The following KLHL15 variants were observed in gnomAD, a reference collection of about 807,000 sequenced individuals.
The protein encoded by KLHL15 is kelch-like protein 15.
Under a neutral mutation model 29.3 loss-of-function variants are expected in KLHL15, and 1 was observed. The observed-to-expected ratio is 0.03, with a 90% CI of 0.01 to 0.16. KLHL15 has a LOEUF of 0.16. Ranked by LOEUF, KLHL15 falls within the 10% of genes least tolerant of loss-of-function variation. KLHL15 has a pLI of 1.00. For missense variants in KLHL15, 215 were observed against 478.5 expected, an observed-to-expected ratio of 0.45 and a Z score of 5.14; for synonymous variants, 212 against 184.5, an observed-to-expected ratio of 1.15 and a Z score of -1.21.
intron 3 of KLHL15, among the ~76,000 whole-genome samples, chrX:23,997,737 A>AT (rs1929220738): frequency 2.2e-5 from 2 of 90,730 alleles, no homozygotes; most frequent in African/African-American, 8.4e-5. Context: ...TCTCAAAAAA[A>AT]AAAAAAAAAA....
At chrX:24,003,253 T>A (rs751242570) in intron 3 of KLHL15, among the ~76,000 whole-genome samples, 1 of 110,979 alleles carries the variant, frequency 9.0e-6, no homozygotes, top group African/African-American at 3.3e-5. Context: ...GGGGATAACA[T>A]GTAGATGCAT....
intron 3 of KLHL15, among the ~76,000 whole-genome samples, chrX:24,000,182 C>T (rs941704321): frequency 1.8e-5 from 2 of 112,216 alleles, no homozygotes; most frequent in African/African-American, 6.5e-5. Flanking sequence ...ATAAAGGTTA[C>T]TATCTTTTAA....
chrX:24,011,151 C>T (rs1360270579), intron 2 of KLHL15, among the ~76,000 whole-genome samples: 1 of 100,763 alleles, frequency 9.9e-6, no homozygotes, highest in Non-Finnish European at 2.0e-5. Context: ...ATAGTTATCC[C>T]AGCCCAAAGT....
At chrX:24,018,768 G>C (rs916533292) in intron 2 of KLHL15, among the ~76,000 whole-genome samples, 5 of 111,571 alleles carry the variant, frequency 4.5e-5, no homozygotes, top group African/African-American at 1.3e-4. Flanking sequence ...TTGGGAGGTA[G>C]AGGTGGGCTG....
Position 24,008,884 on chromosome X carries a change from C to CAAA in KLHL15, c.-7-2187_-7-2185dup, listed in dbSNP as rs1230847970. 5.1e-5 allele frequency among the ~76,000 whole-genome samples: 5 copies of CAAA among 98,755 alleles called. No homozygotes were observed. In the South Asian group the frequency reaches 1.4e-3, roughly 28 times the overall value. 85.8% of individuals were successfully genotyped at this position (98,755 alleles called of 115,157 possible). A position where few individuals can be genotyped will look rare whatever the true frequency, so the allele number is the denominator to read the frequency against. On this transcript the variant is annotated intron_variant, in intron 2 of 3. Coordinates refer to ENST00000328046, the MANE Select transcript of KLHL15 (RefSeq NM_030624.3). Reference sequence around the variant, plus strand: ...CCACGCGTGTTAGAAAAAAAAAAAACAAAACAAAAAAAAAACTTTTAGAGC... The same window carrying CAAA: ...CCACGCGTGTTAGAAAAAAAAAAAACAAAAAAACAAAAAAAAAACTTTTAGAGC...
chrX:24,022,128 C>T (rs1407960857), intron 2 of KLHL15, among the ~76,000 whole-genome samples: 14 of 109,774 alleles, frequency 1.3e-4, no homozygotes, highest in African/African-American at 4.6e-4. Context: ...CACTTGAAGT[C>T]AGTCGAGACC....
intron 3 of KLHL15, among the ~76,000 whole-genome samples, chrX:23,994,625 T>A (rs1929149513): frequency 8.9e-6 from 1 of 112,166 alleles, no homozygotes; most frequent in South Asian, 3.7e-4. Context: ...CAAAGAGGTA[T>A]GGAAAGAACG....
At chrX:24,001,802 C>CAAAAAAA (rs766669649) in intron 3 of KLHL15, among the ~76,000 whole-genome samples, 5 of 22,646 alleles carry the variant, frequency 2.2e-4, no homozygotes, top group Non-Finnish European at 3.8e-4. Context: ...AGACTTGACT[C>CAAAAAAA]AAAAAAAAAA....
rs1929012686 is a variant in KLHL15, at chrX:23,987,840, G to A, written c.*81C>T. ...TGGCTTTGATAGTAAAACTGGTGAGGTTTTTCTTTATATGTTTTAATTAAT... is the reference window on the plus strand; with the variant it reads ...TGGCTTTGATAGTAAAACTGGTGAGATTTTTCTTTATATGTTTTAATTAAT... On this transcript the variant is annotated 3_prime_UTR_variant, in exon 4 of 4. Transcript: ENST00000328046. 1.0e-6 allele frequency: 1 copy of A among 955,035 alleles called. No homozygotes were observed. The highest frequency in any genetic ancestry group is 3.1e-5 in the Admixed American group (1 of 31,812). The allele number at this position is 955,035 out of a possible 1,213,427, so 78.7% of individuals were successfully genotyped here. A position where few individuals can be genotyped will look rare whatever the true frequency, so the allele number is the denominator to read the frequency against.
At position 23,983,922 on chromosome X, in the gene KLHL15, C is replaced by T. The variant is rs908457939; in HGVS notation, c.*3999G>A. 6 of 110,967 alleles carry T rather than the reference C, an allele frequency of 5.4e-5. No individual in the cohort carries two copies. The highest frequency in any genetic ancestry group is 1.6e-4 in the African/African-American group (5 of 30,575). The allele number at this position is 110,967 out of a possible 1,213,427, so 9.1% of individuals were successfully genotyped here. On this transcript the variant is annotated 3_prime_UTR_variant, in exon 4 of 4. Coordinates refer to ENST00000328046, the MANE Select transcript of KLHL15 (RefSeq NM_030624.3). ...TTAAATTATTCTAAGATTTTTATAT[C>T]GGCCCTAGGATTATTTGACTACTGG...
chrX:24,004,125 T>C (rs939137663), intron 3 of KLHL15, among the ~76,000 whole-genome samples: 9 of 109,932 alleles, frequency 8.2e-5, no homozygotes, highest in Admixed American at 1.9e-4. Context: ...TGAGGCAGAA[T>C]GCCCCCTTCC....
At chrX:24,004,898 TCA>T (rs1294729116) in intron 3 of KLHL15, among the ~76,000 whole-genome samples, 1 of 111,497 alleles carries the variant, frequency 9.0e-6, no homozygotes, top group Non-Finnish European at 1.9e-5. Context: ...AACTGAATTC[TCA>T]GTTTCACAGC....
intron 2 of KLHL15, among the ~76,000 whole-genome samples, chrX:24,011,015 C>T (rs192685834): frequency 9.1e-6 from 1 of 110,076 alleles, no homozygotes; most frequent in African/African-American, 3.3e-5. Flanking sequence ...TCTATGTACA[C>T]ACTAAAAAGA....
At chrX:24,021,341 C>T (rs1168518074) in intron 2 of KLHL15, among the ~76,000 whole-genome samples, 1 of 111,377 alleles carries the variant, frequency 9.0e-6, no homozygotes, top group Non-Finnish European at 1.9e-5. Flanking sequence ...TATATGGTTC[C>T]CTTAGGGTCT....
chrX:24,005,142 T>G (rs1929420826), intron 3 of KLHL15, among the ~76,000 whole-genome samples: 1 of 111,827 alleles, frequency 8.9e-6, no homozygotes. Context: ...GAGGTAACCA[T>G]GTGATTAGAA....
chrX:24,020,682 G>A (rs1451626951), intron 2 of KLHL15, among the ~76,000 whole-genome samples: 3 of 111,624 alleles, frequency 2.7e-5, no homozygotes, highest in Non-Finnish European at 5.6e-5. Flanking sequence ...ATGACTAGAA[G>A]TAGTCCAAGA....
Position 23,988,523 on chromosome X carries a change from T to G in KLHL15, c.1213A>C (p.Lys405Gln). The G allele has an allele frequency of 6.6e-6, 8 of 1,211,822 alleles. No homozygotes were observed. Among genetic ancestry groups the G allele is most frequent in the Non-Finnish European group, 8.9e-6 (8 of 895,496 alleles). Reference protein sequence around the residue: ...STERYDITNDKWEFVDPYPVN... With the variant: ...STERYDITNDQWEFVDPYPVN... ...GGATAAGGATCCACAAATTCCCATT[T>G]ATCGTTGGTGATGTCATATCTCTCA... Residue 405 changes from lysine to glutamine, a missense_variant, in exon 4 of 4, where the codon AAA becomes CAA. By Grantham distance (53) the Lys-to-Gln change is moderately conservative. Coordinates refer to ENST00000328046, the MANE Select transcript of KLHL15 (RefSeq NM_030624.3).
chrX:24,025,477 G>T (rs1929909893), intron 1 of KLHL15, among the ~76,000 whole-genome samples: 1 of 105,753 alleles, frequency 9.5e-6, no homozygotes, highest in Admixed American at 9.7e-5. Context: ...AGGGGGCCCA[G>T]TGCGCTGTCG....
intron 2 of KLHL15, among the ~76,000 whole-genome samples, chrX:24,007,063 C>A (rs961970231): frequency 1.8e-5 from 2 of 110,466 alleles, no homozygotes; most frequent in African/African-American, 6.6e-5. Flanking sequence ...CATGGTGGCA[C>A]ATTGCCAGCA....
Sources: allele counts gnomAD v4.1 joint callset (sites outside exome capture counted in the v4.1 genomes callset), GRCh38; gene constraint gnomAD v4.1.1; transcripts MANE v1.5; gene names NCBI Gene and HGNC (gene_info 2026-07-23, HGNC 2026-07-21).